Variants in SLC5A3 observed in about 807,000 individuals in gnomAD.
SLC5A3 encodes sodium/myo-inositol cotransporter.
Under a neutral mutation model 43.2 loss-of-function variants are expected in SLC5A3, and 10 were observed. The ratio of observed to expected loss-of-function variants is 0.23; its 90% CI spans 0.14 to 0.39. SLC5A3 has a LOEUF of 0.39. SLC5A3 is among the 10% of genes least tolerant of loss of function. SLC5A3 has a pLI of 1.00. For missense variants in SLC5A3, 608 were observed against 893.4 expected (o/e 0.68, Z 4.07); for synonymous variants, 349 against 322.0 (o/e 1.08, Z -0.90).
At position 34,102,734 on chromosome 21, in the gene SLC5A3, AT is replaced by A; in HGVS notation, c.*5384del. On this transcript the variant is annotated 3_prime_UTR_variant, in exon 2 of 2. Coordinates refer to ENST00000381151, the MANE Select transcript of SLC5A3 (RefSeq NM_006933.7). ...TCAAGACAAAACACAGTGGTCTCAG[AT>A]TTTTCGTAGTGTGGGAACAGTGGTT... 1 of 1,000,128 alleles carries A rather than the reference AT, an allele frequency of 1.0e-6. No homozygotes were observed. Among genetic ancestry groups the A allele is most frequent in the Non-Finnish European group, 1.2e-6 (1 of 829,920 alleles). 62.0% of individuals were successfully genotyped at this position (1,000,128 alleles called of 1,614,324 possible).
In SLC5A3 at chr21:34,105,270, A is replaced by G. The variant is rs1979426937; in HGVS notation, c.*7915A>G. On this transcript the variant is annotated 3_prime_UTR_variant, in exon 2 of 2. Coordinates refer to ENST00000381151, the MANE Select transcript of SLC5A3 (RefSeq NM_006933.7). ...TTCTTTTGTCCAGACCCATGTTGGC[A>G]ATCATGTATGAACTGTGTTATACTT... is the stretch of plus-strand genomic sequence containing the variant. 1.0e-6 allele frequency: 1 copy of G among 1,000,084 alleles called. No individual in the cohort carries two copies. Among genetic ancestry groups the G allele is most frequent in the Non-Finnish European group, 1.2e-6 (1 of 829,974 alleles). 62.0% of individuals were successfully genotyped at this position (1,000,084 alleles called of 1,614,324 possible). A position where few individuals can be genotyped will look rare whatever the true frequency, so the allele number is the denominator to read the frequency against.
In SLC5A3 at chr21:34,101,921, G is replaced by T. The variant is rs1452069569; in HGVS notation, c.*4566G>T. On this transcript the variant is annotated 3_prime_UTR_variant, in exon 2 of 2. Coordinates refer to ENST00000381151, the MANE Select transcript of SLC5A3 (RefSeq NM_006933.7). ...TTTATGTGAGCCCCTTTGAAATGATGGTGTCAGAGTGCAGAGAAACAATGG... is the reference window on the plus strand; with the variant it reads ...TTTATGTGAGCCCCTTTGAAATGATTGTGTCAGAGTGCAGAGAAACAATGG... The T allele has an allele frequency of 2.0e-6, 2 of 999,934 alleles. No homozygotes were observed. Among genetic ancestry groups the T allele is most frequent in the African/African-American group, 3.5e-5 (2 of 57,186 alleles). The allele number at this position is 999,934 out of a possible 1,614,324, so 61.9% of individuals were successfully genotyped here.
At position 34,103,530 on chromosome 21, in the gene SLC5A3, A is replaced by G; in HGVS notation, c.*6175A>G. On this transcript the variant is annotated 3_prime_UTR_variant, in exon 2 of 2. Coordinates refer to ENST00000381151, the MANE Select transcript of SLC5A3 (RefSeq NM_006933.7). ...GTATATCGAGAACAGGTACGTGACA[A>G]CAGTTTATATTCCATGATAGAAAGC... 2 of 1,000,106 alleles carry G rather than the reference A, an allele frequency of 2.0e-6. No homozygotes were observed. Among genetic ancestry groups the G allele is most frequent in the Non-Finnish European group, 2.4e-6 (2 of 829,840 alleles). The allele number at this position is 1,000,106 out of a possible 1,614,324, so 62.0% of individuals were successfully genotyped here. A position where few individuals can be genotyped will look rare whatever the true frequency, so the allele number is the denominator to read the frequency against.
At chr21:34,092,056 A>T (rs1018034568) in intron 1 of SLC5A3, among the ~76,000 whole-genome samples, 5 of 152,132 alleles carry the variant, frequency 3.3e-5, no homozygotes, top group African/African-American at 1.2e-4. Context: ...TTATAAAAAT[A>T]AGGGAACCCT....
At chr21:34,080,609 A>G (rs1989436707) in intron 1 of SLC5A3, among the ~76,000 whole-genome samples, 1 of 152,198 alleles carries the variant, frequency 6.6e-6, no homozygotes, top group Non-Finnish European at 1.5e-5. Context: ...TAATAGACTA[A>G]TCTTTCCTTT....
chr21:34,099,570 A>G lies in SLC5A3; in HGVS notation c.*2215A>G, dbSNP rs1182141303. ...ATTGGCTGGGCAGCCTATCTCTTCC[A>G]TATCCAGCGTAAATGAATAGGAGGT... On this transcript the variant is annotated 3_prime_UTR_variant, in exon 2 of 2. Transcript: ENST00000381151. The G allele has an allele frequency of 1.0e-6, 1 of 999,306 alleles. No individual in the cohort carries two copies. Among genetic ancestry groups the G allele is most frequent in the Non-Finnish European group, 1.2e-6 (1 of 829,838 alleles). The allele number at this position is 999,306 out of a possible 1,614,324, so 61.9% of individuals were successfully genotyped here.
chr21:34,083,753 T>C (rs1250575406), intron 1 of SLC5A3, among the ~76,000 whole-genome samples: 1 of 152,228 alleles, frequency 6.6e-6, no homozygotes, highest in East Asian at 1.9e-4. Context: ...GGGAATGCCA[T>C]TCTCATGTGT....
Position 34,102,187 on chromosome 21 carries a change from C to T in SLC5A3, c.*4832C>T. 1.0e-6 allele frequency: 1 copy of T among 999,824 alleles called. No homozygotes were observed. The highest frequency in any genetic ancestry group is 1.2e-6 in the Non-Finnish European group (1 of 829,728). 61.9% of individuals were successfully genotyped at this position (999,824 alleles called of 1,614,324 possible). On this transcript the variant is annotated 3_prime_UTR_variant, in exon 2 of 2. Coordinates refer to ENST00000381151, the MANE Select transcript of SLC5A3 (RefSeq NM_006933.7). ...TACTTTAGCTGTTCAGCTACTTTGA[C>T]TCCTAGGAGAGAATTTAGTTAAGGT...
In SLC5A3 at chr21:34,073,732, A is replaced by G. The variant is rs1208820750; in HGVS notation, c.-350A>G. The G allele has an allele frequency of 2.6e-6, 4 of 1,526,778 alleles. No homozygotes were observed. Among genetic ancestry groups the G allele is most frequent in the African/African-American group, 1.4e-5 (1 of 69,080 alleles). 94.6% of individuals were successfully genotyped at this position (1,526,778 alleles called of 1,614,324 possible). On this transcript the variant is annotated 5_prime_UTR_variant, in exon 1 of 2. Transcript: ENST00000381151. ...CGCTACGAGCTGGCTTTAATCCTGA[A>G]AGCCATGCAGCGGGTAAGTGACCTT...
chr21:34,076,222 A>G (rs1989327644), intron 1 of SLC5A3, among the ~76,000 whole-genome samples: 1 of 152,212 alleles, frequency 6.6e-6, no homozygotes, highest in African/African-American at 2.4e-5. Flanking sequence ...CGCAGTACTC[A>G]GCCTGGAGAG....
chr21:34,086,518 TG>T (rs1278265997), intron 1 of SLC5A3, among the ~76,000 whole-genome samples: 3 of 4,402 alleles, frequency 6.8e-4, no homozygotes, highest in African/African-American at 9.6e-4. Flanking sequence ...AGTTTGTGTT[TG>T]TGTGTGTGTG....
Position 34,101,195 on chromosome 21 carries a change from A to C in SLC5A3, c.*3840A>C, listed in dbSNP as rs1250326875. 1 of 1,000,070 alleles carries C rather than the reference A, an allele frequency of 1.0e-6. No individual in the cohort carries two copies. Among genetic ancestry groups the C allele is most frequent in the Non-Finnish European group, 1.2e-6 (1 of 829,958 alleles). The allele number at this position is 1,000,070 out of a possible 1,614,324, so 61.9% of individuals were successfully genotyped here. Reference sequence around the variant, plus strand: ...GATATTAGCCCGTTGGTAAAAGACAACAAATATTAGCTTAAAATCTGCATA... The same window carrying C: ...GATATTAGCCCGTTGGTAAAAGACACCAAATATTAGCTTAAAATCTGCATA... On this transcript the variant is annotated 3_prime_UTR_variant, in exon 2 of 2. Coordinates refer to ENST00000381151, the MANE Select transcript of SLC5A3 (RefSeq NM_006933.7).
chr21:34,080,810 C>T (rs1317791865), intron 1 of SLC5A3, among the ~76,000 whole-genome samples: 1 of 152,222 alleles, frequency 6.6e-6, no homozygotes, highest in Non-Finnish European at 1.5e-5. Flanking sequence ...GGTTACTACT[C>T]TCATCTCTAT....
rs1287905728 is a variant in SLC5A3 at position 34,105,444 on chromosome 21, AATGTCAGC to A, written c.*8091_*8098del. ...CATTCATTCATTTATTTTTAAGCCA[AATGTCAGC>A]AGAGTGCTGCTGCTTTTATCTAGTA... On this transcript the variant is annotated 3_prime_UTR_variant, in exon 2 of 2. Coordinates refer to ENST00000381151, the MANE Select transcript of SLC5A3 (RefSeq NM_006933.7). 14 of 999,500 alleles carry A rather than the reference AATGTCAGC, an allele frequency of 1.4e-5. No homozygotes were observed. Among genetic ancestry groups the A allele is most frequent in the Non-Finnish European group, 1.6e-5 (13 of 829,542 alleles). 61.9% of individuals were successfully genotyped at this position (999,500 alleles called of 1,614,324 possible).
Position 34,098,116 on chromosome 21 carries a change from A to G in SLC5A3, c.*761A>G, listed in dbSNP as rs1979058148. Reference sequence around the variant, plus strand: ...GATTATGGGGGAGAAAATGAAGTAAATGTTGCTGATGATCCCCATATTTAT... The same window carrying G: ...GATTATGGGGGAGAAAATGAAGTAAGTGTTGCTGATGATCCCCATATTTAT... On this transcript the variant is annotated 3_prime_UTR_variant, in exon 2 of 2. Transcript: ENST00000381151. 2.0e-6 allele frequency: 2 copies of G among 999,812 alleles called. No individual in the cohort carries two copies. Among genetic ancestry groups the G allele is most frequent in the Non-Finnish European group, 1.2e-6 (1 of 829,702 alleles). The allele number at this position is 999,812 out of a possible 1,614,324, so 61.9% of individuals were successfully genotyped here.
rs745528477 is a variant in SLC5A3 at position 34,096,689 on chromosome 21, C to T, written c.1491C>T (p.Asp497=). 2.5e-6 allele frequency: 4 copies of T among 1,614,086 alleles called. No individual in the cohort carries two copies. Among genetic ancestry groups the T allele is most frequent in the East Asian group, 2.2e-5 (1 of 44,872 alleles). The part of the protein sequence containing the change: ...LAFAYRAPEC[D]QPDNRPGFIK... ...TTGCCTACCGTGCCCCAGAATGTGA[C>T]CAACCTGATAATAGGCCGGGCTTCA... Residue 497 remains aspartate (D), a synonymous_variant, in exon 2 of 2, where the codon GAC becomes GAT. Coordinates refer to ENST00000381151, the MANE Select transcript of SLC5A3 (RefSeq NM_006933.7). This position sits in a 1 kb window ranked among gnomAD's most constrained non-coding sequence, Gnocchi z 5.9.
At chr21:34,080,780 C>A (rs914033549) in intron 1 of SLC5A3, among the ~76,000 whole-genome samples, 1 of 152,202 alleles carries the variant, frequency 6.6e-6, no homozygotes, top group Middle Eastern at 3.2e-3. Flanking sequence ...ATGGTAGATA[C>A]TTACTAAGCT....
intron 1 of SLC5A3, among the ~76,000 whole-genome samples, chr21:34,092,470 T>C (rs1281532170): frequency 6.6e-6 from 1 of 152,180 alleles, no homozygotes; most frequent in African/African-American, 2.4e-5. Flanking sequence ...GAATTCAGCC[T>C]TGAGCTAGTG....
chr21:34,075,267 C>A (rs559115967), intron 1 of SLC5A3, among the ~76,000 whole-genome samples: 12 of 152,296 alleles, frequency 7.9e-5, no homozygotes, highest in African/African-American at 2.9e-4. Context: ...AAAGAGGCAA[C>A]CTGTAGGCAA....
Sources: gnomAD v4.1 joint callset for allele counts (sites outside exome capture counted in the v4.1 genomes callset) on GRCh38, gnomAD v4.1.1 for gene constraint, Gnocchi (gnomAD v3.1) non-coding constraint, MANE v1.5 for transcripts, NCBI Gene and HGNC (gene_info 2026-07-23, HGNC 2026-07-21) for gene names.